Variants in CLCN6 observed in about 807,000 individuals in gnomAD.
CLCN6 encodes the protein Cl-/H+ antiporter 6.
A neutral mutation model predicts 109.8 loss-of-function variants in CLCN6; 70 were observed. The ratio of observed to expected loss-of-function variants is 0.64; its 90% CI spans 0.53 to 0.78. The LOEUF (loss-of-function observed/expected upper bound fraction) is 0.78. CLCN6 is among the 30% of genes least tolerant of loss of function. The pLI, the probability that CLCN6 is intolerant of heterozygous loss-of-function variation, is 0.00. For synonymous variants in CLCN6, 444 were observed against 447.8 expected (o/e 0.99, Z 0.11); for missense variants, 984 against 1,142.3 (o/e 0.86, Z 2.00).
In CLCN6 at chr1:11,834,144, A is replaced by G; in HGVS notation, c.1527-92A>G. On this transcript the variant is annotated intron_variant, in intron 15 of 22. Coordinates refer to ENST00000346436, the MANE Select transcript of CLCN6 (RefSeq NM_001286.5). The surrounding 1 kb of genome is among the most constrained non-coding windows in gnomAD (Gnocchi z 4.5). ...TGTGTCTGTGCCCATGCATGCACAT[A>G]TGTGCATAGGCACAAGAGTATGAGC... is the stretch of plus-strand genomic sequence containing the variant. 1.9e-6 allele frequency: 3 copies of G among 1,594,266 alleles called. No homozygotes were observed. The highest frequency in any genetic ancestry group is 2.6e-6 in the Non-Finnish European group (3 of 1,170,850).
intron 22 of CLCN6, 67 bp downstream of exon 22, chr1:11,838,727 A>G: frequency 6.2e-7 from 1 of 1,610,470 alleles, no homozygotes; most frequent in African/African-American, 1.3e-5. Context: ...CTGTTTGTGC[A>G]CCCAGGCTTC....
At chr1:11,818,169 G>A (rs74983098) in intron 4 of CLCN6, among the ~76,000 whole-genome samples, 5,603 of 152,230 alleles carry the variant, frequency 0.037, 150 homozygotes, top group Middle Eastern at 0.078. Flanking sequence ...TCTGGTTGCA[G>A]ATTTCTCTAT....
Position 11,840,181 on chromosome 1 carries a change from A to G in CLCN6, c.2568A>G (p.Glu856=), listed in dbSNP as rs1212188905. Residue 856 remains glutamate, a synonymous_variant, in exon 23 of 23, where the codon GAA becomes GAG. Coordinates refer to ENST00000346436, the MANE Select transcript of CLCN6 (RefSeq NM_001286.5). ...TCACACGGCACAACCTCACCTATGAATTTCTGCAGGCCCGGCTGAGGCAGC... is the reference window on the plus strand; with the variant it reads ...TCACACGGCACAACCTCACCTATGAGTTTCTGCAGGCCCGGCTGAGGCAGC... ...GIITRHNLTY[E]FLQARLRQHY... 2 of 1,613,668 alleles carry G rather than the reference A, an allele frequency of 1.2e-6. No individual in the cohort carries two copies. Among genetic ancestry groups the G allele is most frequent in the South Asian group, 2.2e-5 (2 of 91,080 alleles).
At chr1:11,836,925 A>C in intron 18 of CLCN6, 74 bp from the exon 19 acceptor site, 1 of 1,560,970 alleles carries the variant, frequency 6.4e-7, no homozygotes, top group Non-Finnish European at 8.7e-7. Context: ...CCTGTCACCC[A>C]AATCCTTAAG....
Position 11,834,283 on chromosome 1 carries a change from G to C in CLCN6, c.1574G>C (p.Gly525Ala), listed in dbSNP as rs375760488. 20 of 1,613,986 alleles carry C rather than the reference G, an allele frequency of 1.2e-5. No individual in the cohort carries two copies. The highest frequency in any genetic ancestry group is 1.7e-5 in the Admixed American group (1 of 60,002). Reference protein sequence around the residue: ...HIYSGTFALIGAAAFLGGVVR... With the variant: ...HIYSGTFALIAAAAFLGGVVR... ...TATTCGGGGACCTTTGCCCTGATTGGTGCAGCGGCTTTCTTGGGCGGGGTG... is the reference window on the plus strand; with the variant it reads ...TATTCGGGGACCTTTGCCCTGATTGCTGCAGCGGCTTTCTTGGGCGGGGTG... The change falls in exon 16 of 23, where the codon GGT becomes GCT. Residue 525 changes from glycine (G) to alanine (A), a missense_variant. Physicochemically the swap from Gly to Ala is moderately conservative, Grantham distance 60 (BLOSUM62 0). Transcript: ENST00000346436. This position sits in a 1 kb window ranked among gnomAD's most constrained non-coding sequence, Gnocchi z 4.5.
intron 1 of CLCN6, 93 bp from the exon 2 acceptor site, chr1:11,807,037 AT>A: frequency 8.8e-7 from 1 of 1,134,660 alleles, no homozygotes; most frequent in East Asian, 2.4e-5. Context: ...GCTCCAGATG[AT>A]TTAGAAGCTA....
Position 11,836,236 on chromosome 1 carries a change from G to A in CLCN6, c.1980+83G>A, listed in dbSNP as rs1327186216. 4.6e-5 allele frequency: 61 copies of A among 1,325,228 alleles called. No homozygotes were observed. The Admixed American group carries it at 1.5e-3, about 32-fold the overall frequency. 82.1% of individuals were successfully genotyped at this position (1,325,228 alleles called of 1,614,324 possible). A position where few individuals can be genotyped will look rare whatever the true frequency, so the allele number is the denominator to read the frequency against. ...CGGCTTAGTGCTTTGCCCACCCCTG[G>A]CTGGGGTGGACTTACCGGCTCTCAG... On this transcript the variant is annotated intron_variant, in intron 18 of 22. Transcript: ENST00000346436.
In CLCN6 at chr1:11,819,568, G is replaced by T; in HGVS notation, c.346+14G>T. The T allele has an allele frequency of 6.2e-7, 1 of 1,612,922 alleles. No homozygotes were observed. Among genetic ancestry groups the T allele is most frequent in the Non-Finnish European group, 8.5e-7 (1 of 1,179,054 alleles). ...TGGTACAGACATGTATCCTTTTCAC[G>T]GTTCCTGGTGTTCGTGGACTTCAGT... On this transcript the variant is annotated intron_variant, in intron 5 of 22. Coordinates refer to ENST00000346436, the MANE Select transcript of CLCN6 (RefSeq NM_001286.5).
rs1009767654 is a variant in CLCN6, at chr1:11,836,344, T to G, written c.1980+191T>G. ...GCAGCTTTATCAGGCCGTGAAGATG[T>G]GTGTGCGTTCTTGCCGCAATGAGCA... is the stretch of plus-strand genomic sequence containing the variant. On this transcript the variant is annotated intron_variant, in intron 18 of 22. Coordinates refer to ENST00000346436, the MANE Select transcript of CLCN6 (RefSeq NM_001286.5). 2.6e-5 allele frequency among the ~76,000 whole-genome samples: 4 copies of G among 152,236 alleles called. No individual in the cohort carries two copies. The Middle Eastern group carries it at 0.01, about 388-fold the overall frequency.
At position 11,834,037 on chromosome 1, in the gene CLCN6, T is replaced by TGTGTGTGTGC. The variant is rs776776579; in HGVS notation, c.1526+19_1526+28dup. 9 of 1,613,564 alleles carry TGTGTGTGTGC rather than the reference T, an allele frequency of 5.6e-6. No homozygotes were observed. The highest frequency in any genetic ancestry group is 7.6e-6 in the Non-Finnish European group (9 of 1,179,612). ...TTGCCAATGTCCTAAAAAGGTACTC[T>TGTGTGTGTGC]GTGTGTGTGCGTGTGTGTGCGCATG... On this transcript the variant is annotated splice_region_variant and intron_variant, in intron 15 of 22. Transcript: ENST00000346436. The surrounding 1 kb of genome is among the most constrained non-coding windows in gnomAD (Gnocchi z 4.5).
At position 11,838,404 on chromosome 1, in the gene CLCN6, G is replaced by A. The variant is rs776448641; in HGVS notation, c.2365G>A (p.Asp789Asn). Reference protein sequence around the residue: ...EDYPRYPDIHDLDLTLLNPRM... With the variant: ...EDYPRYPDIHNLDLTLLNPRM... ...CTACCCGCGGTACCCCGACATCCAC[G>A]ACCTGGACCTGACGCTGCTCAACCC... Residue 789 changes from aspartate (D) to asparagine (N), a missense_variant, in exon 21 of 23, where the codon GAC becomes AAC. Coordinates refer to ENST00000346436, the MANE Select transcript of CLCN6 (RefSeq NM_001286.5). 5 of 1,613,990 alleles carry A rather than the reference G, an allele frequency of 3.1e-6. No homozygotes were observed. The highest frequency in any genetic ancestry group is 2.2e-5 in the South Asian group (2 of 91,066).
chr1:11,819,738 C>T (rs1208214959), intron 5 of CLCN6, among the ~76,000 whole-genome samples, 184 bp downstream of exon 5: 1 of 152,146 alleles, frequency 6.6e-6, no homozygotes, highest in Non-Finnish European at 1.5e-5. Context: ...AAGACATATA[C>T]CTATGTTTGT....
rs1002930995 is a variant in CLCN6, at chr1:11,837,344, T to A, written c.2140T>A (p.Tyr714Asn). 1 of 1,608,598 alleles carries A rather than the reference T, an allele frequency of 6.2e-7. No homozygotes were observed. Among genetic ancestry groups the A allele is most frequent in the African/African-American group, 1.3e-5 (1 of 74,818 alleles). ...CAGCATCTGGTTTTTGTGTAACAGA[T>A]ACACTCCCTACCCCAACCTATACCC... ...DLLQQMLERRYTPYPNLYPDQ... is the reference protein window; with the variant it reads ...DLLQQMLERRNTPYPNLYPDQ... Residue 714 changes from tyrosine (Y) to asparagine (N), a missense_variant and splice_region_variant, in exon 20 of 23, where the codon TAC becomes AAC. Transcript: ENST00000346436.
intron 1 of CLCN6, 166 bp from the exon 2 acceptor site, chr1:11,806,965 C>T: frequency 1.6e-6 from 1 of 623,700 alleles, no homozygotes; most frequent in East Asian, 2.7e-5. Context: ...TGTAGATCCT[C>T]ACCCACATGG....
At chr1:11,818,893 A>G (rs1463853741) in intron 4 of CLCN6, among the ~76,000 whole-genome samples, 1 of 152,232 alleles carries the variant, frequency 6.6e-6, no homozygotes, top group Non-Finnish European at 1.5e-5. Flanking sequence ...CAATATAGCA[A>G]GACCCCATCT....
chr1:11,812,266 G>A (rs979953106), intron 2 of CLCN6, among the ~76,000 whole-genome samples: 1 of 152,172 alleles, frequency 6.6e-6, no homozygotes, highest in African/African-American at 2.4e-5. Flanking sequence ...TATTAATAAA[G>A]GATATCATAA....
intron 22 of CLCN6, 103 bp from the exon 23 acceptor site, chr1:11,840,040 G>T: frequency 1.1e-6 from 1 of 919,684 alleles, no homozygotes. Flanking sequence ...CACTATCCAG[G>T]CCTCCACATT....
At chr1:11,814,073 G>C (rs1172249238) in intron 2 of CLCN6, among the ~76,000 whole-genome samples, 1 of 152,160 alleles carries the variant, frequency 6.6e-6, no homozygotes, top group Non-Finnish European at 1.5e-5. Flanking sequence ...ACTCTAGGTA[G>C]TCATATAGAT....
chr1:11,834,917 C>T lies in CLCN6; in HGVS notation c.1793+327C>T, dbSNP rs1644925800. ...TGAATGTTTAAGGGTATGCCAAGCC[C>T]CAGGAGTGAGAATAGCCTGTTTCAC... is the stretch of plus-strand genomic sequence containing the variant. On this transcript the variant is annotated intron_variant, in intron 17 of 22. Coordinates refer to ENST00000346436, the MANE Select transcript of CLCN6 (RefSeq NM_001286.5). The surrounding 1 kb of genome is among the most constrained non-coding windows in gnomAD (Gnocchi z 4.5). Among the ~76,000 whole-genome samples, 1 of 152,152 alleles carries T rather than the reference C, an allele frequency of 6.6e-6. No homozygotes were observed. Among genetic ancestry groups the T allele is most frequent in the African/African-American group, 2.4e-5 (1 of 41,418 alleles).
Sources: allele counts gnomAD v4.1 joint callset (sites outside exome capture counted in the v4.1 genomes callset), GRCh38; gene constraint gnomAD v4.1.1; non-coding constraint Gnocchi (gnomAD v3.1); transcripts MANE v1.5; gene names NCBI Gene and HGNC (gene_info 2026-07-23, HGNC 2026-07-21).